SLC41A3: variants seen among roughly 807,000 people sequenced by gnomAD.
The protein encoded by SLC41A3 is SLC41A1-like 2.
SLC41A3 carries 44 observed loss-of-function variants against 45.4 expected under a neutral mutation model. That is an observed-to-expected ratio of 0.97 (90% CI 0.76 to 1.25). The LOEUF is 1.25. Ranked by LOEUF, SLC41A3 falls within the 50% of genes most tolerant of loss-of-function variation. SLC41A3 has a pLI of 0.00. For missense variants in SLC41A3, 550 were observed against 600.6 expected (o/e 0.92, Z 0.88); for synonymous variants, 256 against 252.4 (o/e 1.01, Z -0.13).
At chr3:126,036,430 G>C (rs1942196281) in intron 3 of SLC41A3, among the ~76,000 whole-genome samples, 1 of 152,110 alleles carries the variant, frequency 6.6e-6, no homozygotes, top group Non-Finnish European at 1.5e-5. Flanking sequence ...CCTTCCTATG[G>C]GGCAGGGGCT....
chr3:126,007,383 C>T (rs1939211750), intron 10 of SLC41A3, among the ~76,000 whole-genome samples, 158 bp from the exon 11 acceptor site: 1 of 152,314 alleles, frequency 6.6e-6, no homozygotes, highest in South Asian at 2.1e-4. Flanking sequence ...AAGCCCAGCT[C>T]CGAGCTCAAG....
At position 126,070,177 on chromosome 3, in the gene SLC41A3, A is replaced by G. The variant is rs373630828; in HGVS notation, c.-27-1931T>C. On this transcript the variant is annotated intron_variant, in intron 1 of 10. Transcript: ENST00000360370. ...CCTGCCAAGAATCTTAGAAGCAGGA[A>G]GAGAGCAGCAACTCATGATGTACAA... 1.1e-4 allele frequency: 16 copies of G among 152,344 alleles called. No homozygotes were observed. In the East Asian group the frequency reaches 3.1e-3, roughly 29 times the overall value. The allele number at this position is 152,344 out of a possible 1,614,324, so 9.4% of individuals were successfully genotyped here. A position where few individuals can be genotyped will look rare whatever the true frequency, so the allele number is the denominator to read the frequency against.
chr3:126,042,240 T>C (rs9865142), intron 3 of SLC41A3, among the ~76,000 whole-genome samples: 8,283 of 152,010 alleles, frequency 0.054, 709 homozygotes, highest in African/African-American at 0.18. Flanking sequence ...AGGAACACAA[T>C]AGAATGTCAA....
intron 3 of SLC41A3, among the ~76,000 whole-genome samples, chr3:126,035,730 C>T (rs1942141045): frequency 6.6e-6 from 1 of 152,156 alleles, no homozygotes; most frequent in Non-Finnish European, 1.5e-5. Context: ...AGTAAACCGG[C>T]TTAGCAGGGC....
At chr3:126,034,377 T>C (rs1395216511) in intron 3 of SLC41A3, among the ~76,000 whole-genome samples, 1 of 152,226 alleles carries the variant, frequency 6.6e-6, no homozygotes, top group East Asian at 1.9e-4. Context: ...TCAAAGCAAA[T>C]ATATTTTCCT....
At chr3:126,009,551 A>T (rs1362335366) in intron 9 of SLC41A3, among the ~76,000 whole-genome samples, 1 of 152,222 alleles carries the variant, frequency 6.6e-6, no homozygotes, top group Non-Finnish European at 1.5e-5. Context: ...CATGAATATG[A>T]TTGATTTCTC....
At chr3:126,094,859 C>G (rs1037409084) in intron 1 of SLC41A3, among the ~76,000 whole-genome samples, 1 of 152,184 alleles carries the variant, frequency 6.6e-6, no homozygotes, top group African/African-American at 2.4e-5. Context: ...AATGTGATTT[C>G]TGATTCTTCA....
Position 126,067,510 on chromosome 3 carries a change from C to T in SLC41A3, c.273+437G>A, listed in dbSNP as rs900553485. ...CCTGAAGACACGGAGAAAAGGCAGC[C>T]GTCTGCAAGCCAAGGAGAGGCCACA... is the stretch of plus-strand genomic sequence containing the variant. On this transcript the variant is annotated intron_variant, in intron 2 of 10. Coordinates refer to ENST00000360370, the MANE Select transcript of SLC41A3 (RefSeq NM_017836.4). 31 of 390,130 alleles carry T rather than the reference C, an allele frequency of 7.9e-5. No homozygotes were observed. In the East Asian group the frequency reaches 1.5e-3, roughly 19 times the overall value. 24.2% of individuals were successfully genotyped at this position (390,130 alleles called of 1,614,324 possible). A position where few individuals can be genotyped will look rare whatever the true frequency, so the allele number is the denominator to read the frequency against.
intron 3 of SLC41A3, among the ~76,000 whole-genome samples, chr3:126,042,065 G>A (rs1265568073): frequency 1.3e-5 from 2 of 152,200 alleles, no homozygotes; most frequent in Non-Finnish European, 2.9e-5. Context: ...TGGCTTGCCT[G>A]AGGGCTGCCC....
At chr3:126,086,405 C>CT (rs150800135), upstream of SLC41A3, among the ~76,000 whole-genome samples, 1 of 22,758 alleles carries the variant, frequency 4.4e-5, no homozygotes, top group Non-Finnish European at 1.1e-4. Flanking sequence ...TCTTTGTTTT[C>CT]TTGTTTTTTT....
chr3:126,079,478 T>C (rs1945046870), intron 1 of SLC41A3, among the ~76,000 whole-genome samples: 1 of 152,016 alleles, frequency 6.6e-6, no homozygotes, highest in East Asian at 1.9e-4. Flanking sequence ...AATGAAGAAC[T>C]CCTACAGAGA....
intron 3 of SLC41A3, among the ~76,000 whole-genome samples, chr3:126,049,662 C>T (rs1005373619): frequency 3.3e-5 from 5 of 152,198 alleles, no homozygotes; most frequent in Non-Finnish European, 7.3e-5. Context: ...TTACCAGCTG[C>T]TCAGACATTT....
chr3:126,020,666 T>C (rs1940767235), intron 6 of SLC41A3, among the ~76,000 whole-genome samples: 1 of 152,162 alleles, frequency 6.6e-6, no homozygotes, highest in Non-Finnish European at 1.5e-5. Flanking sequence ...ACATGCCTCA[T>C]TATCCCTCTC....
At chr3:126,041,762 C>A (rs1053985332) in intron 3 of SLC41A3, among the ~76,000 whole-genome samples, 1 of 152,074 alleles carries the variant, frequency 6.6e-6, no homozygotes, top group Admixed American at 6.5e-5. Flanking sequence ...GTGGCACCAG[C>A]AAGATGGTGA....
At chr3:126,059,295 A>AG (rs1423816762) in intron 2 of SLC41A3, among the ~76,000 whole-genome samples, 6 of 127,620 alleles carry the variant, frequency 4.7e-5, no homozygotes, top group East Asian at 2.2e-4. Flanking sequence ...AGAAAGAAAG[A>AG]AAGAAAGAAA....
intron 1 of SLC41A3, among the ~76,000 whole-genome samples, chr3:126,092,175 C>A (rs1945501033): frequency 6.6e-6 from 1 of 152,212 alleles, no homozygotes; most frequent in African/African-American, 2.4e-5. Context: ...AGCACTGTGA[C>A]ATGCTTTTGA....
intron 3 of SLC41A3, among the ~76,000 whole-genome samples, chr3:126,038,287 A>T (rs1305133955): frequency 1.3e-5 from 2 of 152,164 alleles, no homozygotes; most frequent in Non-Finnish European, 1.5e-5. Context: ...GAAGGAGACC[A>T]CCACCCTCCA....
chr3:126,078,673 G>T (rs140912377), intron 1 of SLC41A3, among the ~76,000 whole-genome samples: 1 of 152,060 alleles, frequency 6.6e-6, no homozygotes, highest in South Asian at 2.1e-4. Flanking sequence ...GACTATTAAC[G>T]ATCACTTTAC....
chr3:126,096,967 G>C (rs945228688), intron 1 of SLC41A3, among the ~76,000 whole-genome samples: 1 of 152,182 alleles, frequency 6.6e-6, no homozygotes, highest in Non-Finnish European at 1.5e-5. Flanking sequence ...AAGAGACTGA[G>C]GCAAGTTCCA....
Sources: allele counts gnomAD v4.1 joint callset (sites outside exome capture counted in the v4.1 genomes callset), GRCh38; gene constraint gnomAD v4.1.1; transcripts MANE v1.5; gene names NCBI Gene and HGNC (gene_info 2026-07-23, HGNC 2026-07-21).